IGSF21: variants seen among roughly 807,000 people sequenced by gnomAD.
IGSF21 encodes the protein immunoglobulin superfamily member 21.
Under a neutral mutation model 46.8 loss-of-function variants are expected in IGSF21, and 28 were observed. The ratio of observed to expected loss-of-function variants is 0.60; its 90% confidence interval spans 0.44 to 0.82. The LOEUF is 0.82. Among genes scored for constraint, IGSF21 ranks in the 40% least tolerant of loss-of-function variants. The probability of loss-of-function intolerance (pLI) is 0.00; values close to 1 mark genes in which losing one functional copy is unlikely to be tolerated. For synonymous variants in IGSF21, 284 were observed against 273.6 expected (o/e 1.04, Z -0.38); for missense variants, 624 against 665.5 (o/e 0.94, Z 0.69).
At chr1:18,321,542 C>T (rs922799356) in intron 3 of IGSF21, among the ~76,000 whole-genome samples, 5 of 152,188 alleles carry the variant, frequency 3.3e-5, no homozygotes, top group African/African-American at 1.2e-4. Context: ...CTCTGGAGAC[C>T]GGGAAGCCCA....
intron 2 of IGSF21, among the ~76,000 whole-genome samples, chr1:18,236,208 G>A (rs1557600563): frequency 6.6e-6 from 1 of 152,142 alleles, no homozygotes; most frequent in African/African-American, 2.4e-5. Context: ...CATGGGGGCA[G>A]CTTCCCCCAT....
At chr1:18,156,661 ACCAGAGAAAG>A (rs2086572749) in intron 1 of IGSF21, among the ~76,000 whole-genome samples, 1 of 152,220 alleles carries the variant, frequency 6.6e-6, no homozygotes, top group African/African-American at 2.4e-5. Flanking sequence ...ATGTTGAGAA[ACCAGAGAAAG>A]TTAAGGGAAG....
At chr1:18,128,695 A>T (rs2086293919) in intron 1 of IGSF21, among the ~76,000 whole-genome samples, 1 of 152,150 alleles carries the variant, frequency 6.6e-6, no homozygotes, top group Admixed American at 6.5e-5. Context: ...GAGGAGACTG[A>T]GACTCAGAGA....
intron 1 of IGSF21, among the ~76,000 whole-genome samples, chr1:18,185,351 A>G (rs1396281333): frequency 6.6e-6 from 1 of 152,230 alleles, no homozygotes; most frequent in African/African-American, 2.4e-5. Context: ...CCTTCTAGGA[A>G]ATATCCTTCT....
intron 6 of IGSF21, among the ~76,000 whole-genome samples, chr1:18,374,273 C>T (rs1040046952): frequency 3.3e-5 from 5 of 152,184 alleles, no homozygotes; most frequent in Admixed American, 1.3e-4. Flanking sequence ...TTCCTTATGG[C>T]GACAATCTCA....
intron 1 of IGSF21, among the ~76,000 whole-genome samples, chr1:18,135,508 G>T (rs561264021): frequency 3.3e-5 from 5 of 150,676 alleles, no homozygotes; most frequent in African/African-American, 1.2e-4. Flanking sequence ...GAGAACATGC[G>T]GTGTTTGGTT....
intron 6 of IGSF21, among the ~76,000 whole-genome samples, chr1:18,368,646 C>T (rs1348560622): frequency 6.6e-6 from 1 of 152,166 alleles, no homozygotes; most frequent in Non-Finnish European, 1.5e-5. Context: ...TTTTCCAGCC[C>T]TTCACTCCTC....
Position 18,120,176 on chromosome 1 carries a change from G to A in IGSF21, c.70+11978G>A, listed in dbSNP as rs549545597. Among the ~76,000 whole-genome samples, 58 of 152,336 alleles carry A rather than the reference G, an allele frequency of 3.8e-4. 2 individuals are homozygous for A. The highest frequency in any genetic ancestry group is 3.7e-3 in the Admixed American group (57 of 15,304). ...CATAGGATTTCTGGAAAACCGCAGGGGATGGTGCAGCCCCTTGGAGCTAGA... is the reference window on the plus strand; with the variant it reads ...CATAGGATTTCTGGAAAACCGCAGGAGATGGTGCAGCCCCTTGGAGCTAGA... On this transcript the variant is annotated intron_variant, in intron 1 of 9. Transcript: ENST00000251296.
intron 2 of IGSF21, among the ~76,000 whole-genome samples, chr1:18,278,035 AG>A (rs1234375571): frequency 2.0e-5 from 3 of 152,158 alleles, no homozygotes; most frequent in Non-Finnish European, 4.4e-5. Context: ...TGACCTCAAA[AG>A]AAAAGGAATT....
intron 1 of IGSF21, among the ~76,000 whole-genome samples, chr1:18,223,915 C>T (rs1013007): frequency 0.15 from 22,609 of 152,142 alleles, 2,473 homozygotes; most frequent in East Asian, 0.39. Context: ...TGCCCAGCTA[C>T]GAGCATTTCT....
chr1:18,119,757 C>T (rs1050654877), intron 1 of IGSF21, among the ~76,000 whole-genome samples: 9 of 17,550 alleles, frequency 5.1e-4, no homozygotes, highest in Non-Finnish European at 1.4e-3. Flanking sequence ...CTTTTAATAA[C>T]GGTGTTTTTT....
chr1:18,366,136 T>G (rs2124633518), intron 6 of IGSF21, among the ~76,000 whole-genome samples: 1 of 152,050 alleles, frequency 6.6e-6, no homozygotes, highest in South Asian at 2.1e-4. Flanking sequence ...CTGGGCTGGG[T>G]CAGCAACATG....
intron 1 of IGSF21, among the ~76,000 whole-genome samples, chr1:18,201,645 C>A (rs530937347): frequency 3.9e-4 from 59 of 152,250 alleles, no homozygotes; most frequent in Non-Finnish European, 6.8e-4. Flanking sequence ...CCTGCTCTCC[C>A]TTCTAAGGGA....
chr1:18,110,107 A>G (rs1322521939), intron 1 of IGSF21: 4 of 152,024 alleles, frequency 2.6e-5, no homozygotes, highest in African/African-American at 9.7e-5. Context: ...GGGCTGCGGG[A>G]GGCGGGGGTT....
intron 3 of IGSF21, among the ~76,000 whole-genome samples, chr1:18,323,991 G>A (rs992397793): frequency 2.6e-5 from 4 of 152,188 alleles, no homozygotes; most frequent in Admixed American, 6.5e-5. Flanking sequence ...CAGGCCCCCT[G>A]TCCAGCGCTG....
rs766154497 is a variant in IGSF21 at position 18,365,373 on chromosome 1, C to T, written c.691C>T (p.Leu231Phe). ...DDTKMQKSLS[L>F]LDAENRGGRP... is the part of the protein sequence containing the mutation. ...CACCAAGATGCAGAAGTCACTGTCC[C>T]TCCTGGACGCCGAGAACCGGGGTGG... Residue 231 changes from leucine to phenylalanine, a missense_variant, in exon 6 of 10, where the codon CTC becomes TTC. Transcript: ENST00000251296. This position sits in a 1 kb window ranked among gnomAD's most constrained non-coding sequence, Gnocchi z 4.8. 1 of 1,614,134 alleles carries T rather than the reference C, an allele frequency of 6.2e-7. No homozygotes were observed. Among genetic ancestry groups the T allele is most frequent in the Non-Finnish European group, 8.5e-7 (1 of 1,180,030 alleles).
At chr1:18,240,484 A>G (rs572028907) in intron 2 of IGSF21, among the ~76,000 whole-genome samples, 1 of 152,338 alleles carries the variant, frequency 6.6e-6, no homozygotes, top group African/African-American at 2.4e-5. Context: ...GAACTGTAAT[A>G]GTTGAATGTC....
intron 1 of IGSF21, among the ~76,000 whole-genome samples, chr1:18,119,228 G>A (rs1468077326): frequency 6.6e-6 from 1 of 152,220 alleles, no homozygotes; most frequent in Non-Finnish European, 1.5e-5. Context: ...CAGGCACTGT[G>A]TTGGGTTCTA....
intron 1 of IGSF21, among the ~76,000 whole-genome samples, chr1:18,174,756 C>T (rs1004155868): frequency 1.3e-5 from 2 of 152,222 alleles, no homozygotes; most frequent in Admixed American, 6.5e-5. Context: ...GCTTGAGCCC[C>T]GTTGCCCACT....
Sources: allele counts gnomAD v4.1 joint callset (sites outside exome capture counted in the v4.1 genomes callset), GRCh38; gene constraint gnomAD v4.1.1; non-coding constraint Gnocchi (gnomAD v3.1); transcripts MANE v1.5; gene names NCBI Gene and HGNC (gene_info 2026-07-23, HGNC 2026-07-21).